Variants in REEP1 observed in about 807,000 individuals in gnomAD.
REEP1 encodes receptor expression-enhancing protein 1.
In REEP1, 22 loss-of-function variants were observed where a neutral mutation model predicts 40.3. The ratio of observed to expected loss-of-function variants is 0.55; its 90% CI spans 0.39 to 0.78. The LOEUF (loss-of-function observed/expected upper bound fraction) is 0.78, where lower values mean the gene tolerates loss of function less well. REEP1 is among the 30% of genes least tolerant of loss of function. REEP1 has a pLI of 0.00. For synonymous variants in REEP1, 116 were observed against 139.2 expected (o/e 0.83, Z 1.17); for missense variants, 280 against 361.1 (o/e 0.78, Z 1.82).
intron 7 of REEP1, among the ~76,000 whole-genome samples, chr2:86,225,215 C>T (rs1303581394): frequency 1.3e-5 from 2 of 152,230 alleles, no homozygotes; most frequent in Non-Finnish European, 2.9e-5. Context: ...TCTCCATCTG[C>T]AGCCCTGCTC....
intron 5 of REEP1, among the ~76,000 whole-genome samples, chr2:86,242,038 T>C (rs1021373476): frequency 6.6e-6 from 1 of 152,098 alleles, no homozygotes; most frequent in African/African-American, 2.4e-5. Flanking sequence ...TTTTTTTTTT[T>C]ATTCTGTTCA....
intron 1 of REEP1, among the ~76,000 whole-genome samples, chr2:86,323,821 A>G (rs1680383857): frequency 6.6e-6 from 1 of 152,208 alleles, no homozygotes; most frequent in Non-Finnish European, 1.5e-5. Flanking sequence ...CGAACTATTC[A>G]ATGGTACAGA....
At chr2:86,293,179 G>C (rs1265580378) in intron 1 of REEP1, among the ~76,000 whole-genome samples, 1 of 152,206 alleles carries the variant, frequency 6.6e-6, no homozygotes, top group African/African-American at 2.4e-5. Flanking sequence ...AGGTCACAGA[G>C]CTGCTAACTG....
At position 86,337,485 on chromosome 2, in the gene REEP1, A is replaced by G; in HGVS notation, c.26T>C (p.Leu9Pro). 7.7e-7 allele frequency: 1 copy of G among 1,298,342 alleles called. No homozygotes were observed. The highest frequency in any genetic ancestry group is 9.8e-7 in the Non-Finnish European group (1 of 1,015,596). 80.4% of individuals were successfully genotyped at this position (1,298,342 alleles called of 1,614,324 possible). A position where few individuals can be genotyped will look rare whatever the true frequency, so the allele number is the denominator to read the frequency against. MVSWIISR[L>P]VVLIFGTLYP... ...GGGGGAGAAGGCCACTTACACCACC[A>G]GCCTGGAGATGATCCATGACACCAT... Residue 9 changes from leucine to proline, a missense_variant, in exon 1 of 9, where the codon CTG (leucine) becomes CCG (proline). Physicochemically the swap from Leu to Pro is moderately conservative, Grantham distance 98 (BLOSUM62 -3). Around this residue, in one of 3 missense-constraint regions of REEP1, gnomAD observed 68 missense variants for 83.7 expected, o/e 0.81. Coordinates refer to ENST00000538924, the MANE Select transcript of REEP1 (RefSeq NM_001371279.1). This position sits in a 1 kb window ranked among gnomAD's most constrained non-coding sequence, Gnocchi z 5.8.
intron 1 of REEP1, among the ~76,000 whole-genome samples, chr2:86,299,195 A>T (rs1410441963): frequency 2.0e-5 from 3 of 152,218 alleles, no homozygotes; most frequent in Non-Finnish European, 4.4e-5. Flanking sequence ...GTGCTCAGTC[A>T]TCATTCTCTT....
chr2:86,218,723 G>C (rs1463180483), intron 8 of REEP1, among the ~76,000 whole-genome samples: 1 of 152,232 alleles, frequency 6.6e-6, no homozygotes, highest in Non-Finnish European at 1.5e-5. Context: ...CAGTGTCCAA[G>C]CCCAGAACAT....
At chr2:86,330,546 G>A (rs557627632) in intron 1 of REEP1, among the ~76,000 whole-genome samples, 19 of 151,976 alleles carry the variant, frequency 1.3e-4, no homozygotes, top group Non-Finnish European at 2.4e-4. Context: ...CCAGGCTCAA[G>A]TGATCCTCCC....
intron 1 of REEP1, among the ~76,000 whole-genome samples, chr2:86,330,395 C>T (rs1173808329): frequency 1.3e-5 from 2 of 151,016 alleles, no homozygotes; most frequent in African/African-American, 4.9e-5. Flanking sequence ...ATGTGACTCT[C>T]CCTACCACAG....
chr2:86,236,720 T>C (rs1343489955), intron 5 of REEP1, among the ~76,000 whole-genome samples: 1 of 149,986 alleles, frequency 6.7e-6, no homozygotes, highest in Non-Finnish European at 1.5e-5. Flanking sequence ...CTAGACTTCT[T>C]GAAAATGATT....
intron 5 of REEP1, among the ~76,000 whole-genome samples, chr2:86,235,087 T>C (rs1050337733): frequency 2.0e-5 from 3 of 152,276 alleles, no homozygotes; most frequent in Non-Finnish European, 4.4e-5. Flanking sequence ...TCGTTTACTT[T>C]ACTTGTTCAA....
rs1267575727 is a variant in REEP1 at position 86,232,740 on chromosome 2, C to T, written c.480G>A (p.Arg160=). 6.2e-7 allele frequency: 1 copy of T among 1,607,994 alleles called. No individual in the cohort carries two copies. The highest frequency in any genetic ancestry group is 8.5e-7 in the Non-Finnish European group (1 of 1,179,976). ...CCGAGGGAGCAGGGGCGCCGTCTCC[C>T]CTGATGGTGGTGAGGTCCTGCATGC... is the stretch of plus-strand genomic sequence containing the variant. ...SFSMQDLTTI[R]GDGAPAPSGP... Residue 160 remains arginine (R), a synonymous_variant, in exon 6 of 9, where the codon AGG becomes AGA. Transcript: ENST00000538924.
At chr2:86,270,377 G>C (rs917006876) in intron 2 of REEP1, among the ~76,000 whole-genome samples, 1 of 152,142 alleles carries the variant, frequency 6.6e-6, no homozygotes, top group African/African-American at 2.4e-5. Context: ...TGTATTTTTA[G>C]TAGAGACAGG....
intron 3 of REEP1, among the ~76,000 whole-genome samples, chr2:86,256,506 C>T (rs1341450437): frequency 1.3e-5 from 2 of 152,102 alleles, no homozygotes; most frequent in African/African-American, 4.8e-5. Context: ...GGCTAGACAA[C>T]CAGAGATAGC....
At chr2:86,220,645 A>G (rs190873056) in intron 7 of REEP1, among the ~76,000 whole-genome samples, 87 of 152,270 alleles carry the variant, frequency 5.7e-4, no homozygotes, top group African/African-American at 1.9e-3. Context: ...AAGAGACAGG[A>G]TATAAAATGC....
Position 86,254,421 on chromosome 2 carries a change from G to A in REEP1, c.303+273C>T, listed in dbSNP as rs571928159. 3.9e-5 allele frequency among the ~76,000 whole-genome samples: 6 copies of A among 152,306 alleles called. No individual in the cohort carries two copies. The South Asian group carries it at 6.2e-4, about 16-fold the overall frequency. ...ACAAAAGGAAGGAAATTCACTTTGC[G>A]TGGTTAAATTGAGTGAATTTTTTCT... On this transcript the variant is annotated intron_variant, in intron 4 of 8. Coordinates refer to ENST00000538924, the MANE Select transcript of REEP1 (RefSeq NM_001371279.1).
chr2:86,274,498 G>A (rs1400402747), intron 2 of REEP1, among the ~76,000 whole-genome samples: 2 of 152,176 alleles, frequency 1.3e-5, no homozygotes, highest in African/African-American at 4.8e-5. Context: ...AAGGTCAACG[G>A]AACACTGGTG....
chr2:86,311,808 C>T (rs1679778035), intron 1 of REEP1, among the ~76,000 whole-genome samples: 1 of 152,116 alleles, frequency 6.6e-6, no homozygotes, highest in Non-Finnish European at 1.5e-5. Context: ...TATCTGTCAC[C>T]CCTATGTGCT....
intron 3 of REEP1, among the ~76,000 whole-genome samples, chr2:86,263,407 G>GTA (rs1022600345): frequency 6.6e-6 from 1 of 151,294 alleles, no homozygotes; most frequent in African/African-American, 2.5e-5. Flanking sequence ...TTATTTTTTT[G>GTA]TATTTTTTTT....
rs1441495658 is a variant in REEP1, at chr2:86,316,823, C to T, written c.32+20656G>A. Among the ~76,000 whole-genome samples, 4 of 152,280 alleles carry T rather than the reference C, an allele frequency of 2.6e-5. No homozygotes were observed. The East Asian group carries it at 7.7e-4, about 29-fold the overall frequency. On this transcript the variant is annotated intron_variant, in intron 1 of 8. Coordinates refer to ENST00000538924, the MANE Select transcript of REEP1 (RefSeq NM_001371279.1). ...GCAGTGGGCCGAGATCGTGCCATCG[C>T]ACTCCAGCCTGGGGGACAAGAGTGA...
Sources: gnomAD v4.1 joint callset for allele counts (sites outside exome capture counted in the v4.1 genomes callset) on GRCh38, gnomAD v4.1.1 for gene constraint, gnomAD v4.1.1 regional missense constraint, Gnocchi (gnomAD v3.1) non-coding constraint, MANE v1.5 for transcripts, NCBI Gene and HGNC (gene_info 2026-07-23, HGNC 2026-07-21) for gene names.